MBNL2: variants seen among roughly 807,000 people sequenced by gnomAD.
The protein encoded by MBNL2 is muscleblind like splicing regulator 2, also known as muscleblind-like protein 2.
In MBNL2, 17 loss-of-function variants were observed where a neutral mutation model predicts 41.9. The observed-to-expected ratio is 0.41, with a 90% CI of 0.28 to 0.61. The LOEUF is 0.61. Ranked by LOEUF, MBNL2 falls within the 20% of genes least tolerant of loss-of-function variation. The pLI, the probability that MBNL2 is intolerant of heterozygous loss-of-function variation, is 0.35. For synonymous variants in MBNL2, 195 were observed against 182.9 expected, an observed-to-expected ratio of 1.07 and a Z score of -0.53; for missense variants, 336 against 505.6, an observed-to-expected ratio of 0.66 and a Z score of 3.22.
chr13:97,370,225 G>C (rs999710087), intron 8 of MBNL2, among the ~76,000 whole-genome samples: 1 of 120,166 alleles, frequency 8.3e-6, no homozygotes, highest in Non-Finnish European at 1.8e-5. Context: ...GGTCTTGCTG[G>C]AGTTGAAACT....
chr13:97,347,876 G>GAATC (rs2062033191), intron 5 of MBNL2, among the ~76,000 whole-genome samples: 1 of 152,068 alleles, frequency 6.6e-6, no homozygotes, highest in South Asian at 2.1e-4. Context: ...AGACCTCAGG[G>GAATC]AATCAGAATT....
chr13:97,317,160 C>T (rs1405901854), intron 2 of MBNL2, among the ~76,000 whole-genome samples: 1 of 152,104 alleles, frequency 6.6e-6, no homozygotes, highest in Admixed American at 6.5e-5. Context: ...AGATGCCAAG[C>T]TTTGTGATGG....
rs968712661 is a variant in MBNL2, at chr13:97,243,310, C to G, written c.-605+20779C>G. 2.6e-5 allele frequency among the ~76,000 whole-genome samples: 4 copies of G among 152,176 alleles called. No homozygotes were observed. The East Asian group carries it at 7.7e-4, about 29-fold the overall frequency. ...TATTTATTTAGTCAGTCAACAAACC[C>G]TAAGTGAGTAGCCAGCATGTGTCGG... is the stretch of plus-strand genomic sequence containing the variant. On this transcript the variant is annotated intron_variant, in intron 1 of 8. Coordinates refer to ENST00000679496, the MANE Select transcript of MBNL2 (RefSeq NM_001382683.1).
Position 97,271,607 on chromosome 13 carries a change from G to A in MBNL2, c.-604-4025G>A, listed in dbSNP as rs551697770. Among the ~76,000 whole-genome samples, 6 of 152,052 alleles carry A rather than the reference G, an allele frequency of 3.9e-5. No individual in the cohort carries two copies. The East Asian group carries it at 7.8e-4, about 20-fold the overall frequency. On this transcript the variant is annotated intron_variant, in intron 1 of 8. Coordinates refer to ENST00000679496, the MANE Select transcript of MBNL2 (RefSeq NM_001382683.1). The stretch of plus-strand genomic sequence containing the variant: ...CCCCGTAAACCCCCAGCAGGCTCTC[G>A]TATGTGATGTTCCCCTCTCTGTGTC...
chr13:97,243,358 A>G (rs1041489442), intron 1 of MBNL2, among the ~76,000 whole-genome samples: 1 of 152,170 alleles, frequency 6.6e-6, no homozygotes, highest in Non-Finnish European at 1.5e-5. Context: ...GGGTTGGGCT[A>G]CAAAGATGCA....
intron 1 of MBNL2, among the ~76,000 whole-genome samples, chr13:97,242,991 A>T (rs370953566): frequency 1.3e-5 from 2 of 152,150 alleles, no homozygotes; most frequent in African/African-American, 4.8e-5. Flanking sequence ...GCTCCTGTGC[A>T]GGCGTCTCCT....
chr13:97,286,010 C>T (rs912792989), intron 2 of MBNL2, among the ~76,000 whole-genome samples: 2 of 152,232 alleles, frequency 1.3e-5, no homozygotes, highest in African/African-American at 4.8e-5. Flanking sequence ...AGCCTTTGTG[C>T]TTGCTGGAGC....
chr13:97,225,998 T>C (rs528540516), intron 1 of MBNL2, among the ~76,000 whole-genome samples: 6 of 152,286 alleles, frequency 3.9e-5, no homozygotes, highest in Admixed American at 1.3e-4. Flanking sequence ...TATTTTTTTT[T>C]CTCCAGTTTT....
intron 3 of MBNL2, among the ~76,000 whole-genome samples, chr13:97,342,048 T>C (rs60452878): frequency 0.3 from 45,487 of 152,010 alleles, 7,022 homozygotes; most frequent in African/African-American, 0.36. Flanking sequence ...ACCAAACAAA[T>C]GAAAAGAAGC....
rs201039654 is a variant in MBNL2 at position 97,347,028 on chromosome 13, G to A, written c.765G>A (p.Ala255=). ...KAAQHQANQA[A]VAAQAAAAAA... ...CGCAGCACCAAGCCAACCAAGCTGC[G>A]GTGGCCGCCCAGGCAGCCGCGGCCG... is the stretch of plus-strand genomic sequence containing the variant. The change falls in exon 5 of 9, where the codon GCG becomes GCA. Residue 255 remains alanine (A), a synonymous_variant. Transcript: ENST00000679496. The A allele has an allele frequency of 1.2e-4, 186 of 1,611,828 alleles. No homozygotes were observed. The highest frequency in any genetic ancestry group is 1.5e-4 in the Non-Finnish European group (181 of 1,178,906).
At chr13:97,368,385 G>A (rs1020673266) in intron 8 of MBNL2, among the ~76,000 whole-genome samples, 12 of 124,884 alleles carry the variant, frequency 9.6e-5, no homozygotes, top group Admixed American at 9.4e-4. Context: ...CTGCACTCTA[G>A]CCTGGGTGAC....
At chr13:97,292,185 A>G (rs1433500136) in intron 2 of MBNL2, among the ~76,000 whole-genome samples, 1 of 139,840 alleles carries the variant, frequency 7.2e-6, no homozygotes, top group Non-Finnish European at 1.5e-5. Flanking sequence ...TGGGCAACAG[A>G]GCCAGACTCC....
At chr13:97,342,809 G>A (rs531237974) in intron 3 of MBNL2, among the ~76,000 whole-genome samples, 2 of 152,234 alleles carry the variant, frequency 1.3e-5, no homozygotes, top group Admixed American at 6.5e-5. Context: ...TGTAACTAGA[G>A]GTTTTTTATG....
rs1358627956 is a variant in MBNL2 at position 97,311,059 on chromosome 13, C to T, written c.175-23217C>T. Among the ~76,000 whole-genome samples the T allele has an allele frequency of 2.6e-5, 4 of 152,004 alleles. No individual in the cohort carries two copies. In the East Asian group the frequency reaches 7.7e-4, roughly 29 times the overall value. On this transcript the variant is annotated intron_variant, in intron 2 of 8. Coordinates refer to ENST00000679496, the MANE Select transcript of MBNL2 (RefSeq NM_001382683.1). ...GATTCAAGACACATTAAAAGCCATG[C>T]AAAAATCCATACTCCTTAATCTAAT...
intron 1 of MBNL2, among the ~76,000 whole-genome samples, chr13:97,261,701 C>T (rs756179478): frequency 6.6e-6 from 1 of 152,198 alleles, no homozygotes; most frequent in Non-Finnish European, 1.5e-5. Context: ...GCTGGAAGGC[C>T]CCAGCACCAC....
the MBNL2 span, among the ~76,000 whole-genome samples, chr13:97,204,792 T>C: frequency 2.0e-5 from 3 of 152,244 alleles, no homozygotes; most frequent in Non-Finnish European, 4.4e-5. Context: ...CTATTAGGTA[T>C]TTCAGGCCAG....
the MBNL2 span, among the ~76,000 whole-genome samples, chr13:97,172,298 A>C: frequency 6.6e-6 from 1 of 151,974 alleles, no homozygotes; most frequent in Non-Finnish European, 1.5e-5. Context: ...GCACATTCCT[A>C]TTTCCTCTAT....
the MBNL2 span, among the ~76,000 whole-genome samples, chr13:97,164,171 T>C: frequency 6.6e-6 from 1 of 152,150 alleles, no homozygotes; most frequent in Non-Finnish European, 1.5e-5. Flanking sequence ...CATGTCCAGC[T>C]AATTTTTTGT....
the MBNL2 span, among the ~76,000 whole-genome samples, chr13:97,158,701 C>A: frequency 5.3e-5 from 8 of 151,994 alleles, no homozygotes; most frequent in South Asian, 1.7e-3. Context: ...TGTAGTTGAG[C>A]GGTTTTGAGT....
Sources: gnomAD v4.1 joint callset for allele counts (sites outside exome capture counted in the v4.1 genomes callset) on GRCh38, gnomAD v4.1.1 for gene constraint, MANE v1.5 for transcripts, NCBI Gene and HGNC (gene_info 2026-07-23, HGNC 2026-07-21) for gene names.